ABLIM3: variants seen among roughly 807,000 people sequenced by gnomAD.
The protein encoded by ABLIM3 is actin binding LIM protein family member 3.
Under a neutral mutation model 109.5 loss-of-function variants are expected in ABLIM3, and 61 were observed. The observed-to-expected ratio is 0.56, with a 90% confidence interval of 0.45 to 0.69. ABLIM3 has a LOEUF of 0.69. Among genes scored for constraint, ABLIM3 ranks in the 30% least tolerant of loss-of-function variants. The probability of loss-of-function intolerance (pLI) is 0.00; values close to 1 mark genes in which losing one functional copy is unlikely to be tolerated. For missense variants in ABLIM3, 796 were observed against 889.5 expected (o/e 0.89, Z 1.34); for synonymous variants, 300 against 324.8 (o/e 0.92, Z 0.82).
intron 3 of ABLIM3, among the ~76,000 whole-genome samples, chr5:149,186,041 A>G (rs6884531): frequency 0.43 from 65,102 of 152,096 alleles, 14,667 homozygotes; most frequent in East Asian, 0.67. Context: ...TGAAAAAAAT[A>G]TTCTCAGCAT....
At chr5:149,227,070 C>CAAA (rs70973514) in intron 8 of ABLIM3, among the ~76,000 whole-genome samples, 27 of 96,230 alleles carry the variant, frequency 2.8e-4, no homozygotes, top group African/African-American at 6.0e-4. Context: ...AACTCCATCT[C>CAAA]AAAAAAAAAA....
At position 149,198,935 on chromosome 5, in the gene ABLIM3, A is replaced by T. The variant is rs1020024058; in HGVS notation, c.335+533A>T. 2.5e-5 allele frequency: 10 copies of T among 393,820 alleles called. No homozygotes were observed. Among genetic ancestry groups the T allele is most frequent in the African/African-American group, 2.1e-4 (10 of 48,224 alleles). The allele number at this position is 393,820 out of a possible 1,614,324, so 24.4% of individuals were successfully genotyped here. A position where few individuals can be genotyped will look rare whatever the true frequency, so the allele number is the denominator to read the frequency against. Reference sequence around the variant, plus strand: ...CCAACCTCATTGGGTTTTCTCGAAGATCAATGAGATGATGATGCAAAGGCA... The same window carrying T: ...CCAACCTCATTGGGTTTTCTCGAAGTTCAATGAGATGATGATGCAAAGGCA... On this transcript the variant is annotated intron_variant, in intron 4 of 23. Coordinates refer to ENST00000309868, the MANE Select transcript of ABLIM3 (RefSeq NM_014945.5). This position sits in a 1 kb window ranked among gnomAD's most constrained non-coding sequence, Gnocchi z 4.2.
At position 149,207,095 on chromosome 5, in the gene ABLIM3, A is replaced by C; in HGVS notation, c.536A>C (p.Gln179Pro). 1.9e-6 allele frequency: 3 copies of C among 1,614,056 alleles called. No homozygotes were observed. The highest frequency in any genetic ancestry group is 2.5e-6 in the Non-Finnish European group (3 of 1,179,968). ...TGGCACGTCAGCTGCTTCAAGTGCC[A>C]GACCTGCAGCGTCATCCTCACCGGG... ...KQWHVSCFKC[Q>P]TCSVILTGEY... Residue 179 changes from glutamine (Q) to proline (P), a missense_variant, in exon 6 of 24, where the codon CAG becomes CCG. Gln to Pro is a moderately conservative substitution (Grantham distance 76). Transcript: ENST00000309868.
chr5:149,211,509 G>T lies in ABLIM3; in HGVS notation c.669+690G>T, dbSNP rs74684571. On this transcript the variant is annotated intron_variant, in intron 7 of 23. Transcript: ENST00000309868. ...GAAAGGAAAAATAATAGCCTAACAG[G>T]AATAATTGAGTTCTAGTATTGACTC... Among the ~76,000 whole-genome samples, 977 of 152,262 alleles carry T rather than the reference G, an allele frequency of 6.4e-3. 11 individuals carry two copies. The highest frequency in any genetic ancestry group is 0.022 in the African/African-American group (926 of 41,538).
chr5:149,239,145 A>G (rs58203769), intron 11 of ABLIM3, 103 bp from the exon 12 acceptor site: 502,199 of 1,143,798 alleles, frequency 0.44, 113,075 homozygotes, highest in East Asian at 0.6. Context: ...ACTGCTGCAA[A>G]CCCTCTCTGC....
intron 2 of ABLIM3, among the ~76,000 whole-genome samples, chr5:149,156,688 T>C (rs1753887529): frequency 6.6e-6 from 1 of 152,180 alleles, no homozygotes; most frequent in Non-Finnish European, 1.5e-5. Flanking sequence ...ATGAGTCAGG[T>C]GTGAAATGAA....
intron 10 of ABLIM3, among the ~76,000 whole-genome samples, 183 bp downstream of exon 10, chr5:149,233,483 C>T (rs374646012): frequency 1.3e-5 from 2 of 152,100 alleles, no homozygotes; most frequent in African/African-American, 2.4e-5. Context: ...ACATAGATCC[C>T]GCCCTCATGA....
intron 2 of ABLIM3, among the ~76,000 whole-genome samples, chr5:149,173,938 C>T (rs1374996041): frequency 2.7e-5 from 4 of 145,960 alleles, no homozygotes; most frequent in South Asian, 2.2e-4. Flanking sequence ...AGGAGAATGG[C>T]GTGAACCCGG....
At chr5:149,148,911 C>T (rs956141902) in intron 2 of ABLIM3, among the ~76,000 whole-genome samples, 4 of 152,238 alleles carry the variant, frequency 2.6e-5, no homozygotes, top group Non-Finnish European at 5.9e-5. Context: ...AGGCTGGCCT[C>T]CTCACCCTCC....
At position 149,259,186 on chromosome 5, in the gene ABLIM3, A is replaced by G; in HGVS notation, c.*782A>G. 9.3e-7 allele frequency: 1 copy of G among 1,071,074 alleles called. No homozygotes were observed. Among genetic ancestry groups the G allele is most frequent in the Non-Finnish European group, 1.1e-6 (1 of 884,910 alleles). The allele number at this position is 1,071,074 out of a possible 1,614,324, so 66.3% of individuals were successfully genotyped here. On this transcript the variant is annotated 3_prime_UTR_variant, in exon 24 of 24. Coordinates refer to ENST00000309868, the MANE Select transcript of ABLIM3 (RefSeq NM_014945.5). Reference sequence around the variant, plus strand: ...AGGGAGCGGAAGTGGGAGATGGAGCAGGGCACCTGTTAGAATCAGAGCTGC... The same window carrying G: ...AGGGAGCGGAAGTGGGAGATGGAGCGGGGCACCTGTTAGAATCAGAGCTGC...
rs1581168271 is a variant in ABLIM3 at position 149,222,949 on chromosome 5, T to C, written c.757+5903T>C. On this transcript the variant is annotated intron_variant, in intron 8 of 23. Transcript: ENST00000309868. ...GGATCTCTCTACTGACAGCTTAGGT[T>C]GTAGGAGTTATGCTTAAAAACTTTA... is the stretch of plus-strand genomic sequence containing the variant. Among the ~76,000 whole-genome samples the C allele has an allele frequency of 5.3e-5, 8 of 152,338 alleles. No homozygotes were observed. The South Asian group carries it at 1.7e-3, about 32-fold the overall frequency.
Position 149,244,953 on chromosome 5 carries a change from A to G in ABLIM3, c.1424A>G (p.Tyr475Cys), listed in dbSNP as rs1753201953. 1 of 1,613,952 alleles carries G rather than the reference A, an allele frequency of 6.2e-7. No individual in the cohort carries two copies. The highest frequency in any genetic ancestry group is 1.7e-5 in the Admixed American group (1 of 59,996). Reference sequence around the variant, plus strand: ...CAGACCTCCAAGTACAGTCCCATCTACTCGCCAGACCCCTACTATGCTTCG... The same window carrying G: ...CAGACCTCCAAGTACAGTCCCATCTGCTCGCCAGACCCCTACTATGCTTCG... ...ISQTSKYSPI[Y>C]SPDPYYASES... Residue 475 changes from tyrosine to cysteine, a missense_variant, in exon 16 of 24, where the codon TAC becomes TGC. Physicochemically the swap from Tyr to Cys is radical, Grantham distance 194. Transcript: ENST00000309868.
intron 14 of ABLIM3, among the ~76,000 whole-genome samples, chr5:149,241,409 G>C (rs1581220647): frequency 6.6e-6 from 1 of 152,182 alleles, no homozygotes; most frequent in Non-Finnish European, 1.5e-5. Context: ...GCTGAGAGAG[G>C]CCAGGCTAGA....
At chr5:149,206,370 T>G (rs2127508038) in intron 5 of ABLIM3, among the ~76,000 whole-genome samples, 1 of 152,332 alleles carries the variant, frequency 6.6e-6, no homozygotes, top group Non-Finnish European at 1.5e-5. Context: ...GGTGTGGTAA[T>G]TCTGTTTGTT....
chr5:149,152,574 T>G (rs974535994), intron 2 of ABLIM3, among the ~76,000 whole-genome samples: 2 of 152,120 alleles, frequency 1.3e-5, no homozygotes, highest in African/African-American at 4.8e-5. Context: ...AGTTTTGTTT[T>G]CAGAGAACCT....
At chr5:149,141,887 C>T (rs1752487292) in intron 1 of ABLIM3, 122 bp from the exon 2 acceptor site, 1 of 681,970 alleles carries the variant, frequency 1.5e-6, no homozygotes, top group Non-Finnish European at 2.6e-6. Flanking sequence ...CTCTCACCTG[C>T]GCCTATTAGT....
chr5:149,214,661 G>A lies in ABLIM3; in HGVS notation c.670-2298G>A, dbSNP rs1237729296. ...GGAACAACAGTCGCCCAAGCACATC[G>A]TCTGGCACACTGCAGGCATTCAATT... On this transcript the variant is annotated intron_variant, in intron 7 of 23. Transcript: ENST00000309868. Among the ~76,000 whole-genome samples, 6 of 152,192 alleles carry A rather than the reference G, an allele frequency of 3.9e-5. No individual in the cohort carries two copies. In the South Asian group the frequency reaches 6.2e-4, roughly 16 times the overall value.
At chr5:149,251,440 G>A in intron 21 of ABLIM3, 21 bp downstream of exon 21, 2 of 1,612,502 alleles carry the variant, frequency 1.2e-6, no homozygotes, top group Non-Finnish European at 1.7e-6. Flanking sequence ...GCCTGCAGGG[G>A]GTCTGCAGGG....
chr5:149,255,397 CATAAG>C (rs1754341392), intron 23 of ABLIM3, among the ~76,000 whole-genome samples: 1 of 152,056 alleles, frequency 6.6e-6, no homozygotes, highest in African/African-American at 2.4e-5. Flanking sequence ...TGTGAGAAGA[CATAAG>C]ATGTGTCTCC....
Sources: allele counts gnomAD v4.1 joint callset (sites outside exome capture counted in the v4.1 genomes callset), GRCh38; gene constraint gnomAD v4.1.1; non-coding constraint Gnocchi (gnomAD v3.1); transcripts MANE v1.5; gene names NCBI Gene and HGNC (gene_info 2026-07-23, HGNC 2026-07-21).